The following JAK1 variants were observed in gnomAD, a reference collection of about 807,000 sequenced individuals.
JAK1 encodes the protein Janus kinase 1, also known as tyrosine-protein kinase JAK1.
Under a neutral mutation model 136.6 loss-of-function variants are expected in JAK1, and 16 were observed. That is an observed-to-expected ratio of 0.12 (90% CI 0.08 to 0.18). The LOEUF (loss-of-function observed/expected upper bound fraction) is 0.18, where lower values mean the gene tolerates loss of function less well. JAK1 is among the 10% of genes least tolerant of loss of function. The pLI, the probability that JAK1 is intolerant of heterozygous loss-of-function variation, is 1.00. For missense variants in JAK1, 859 were observed against 1,450.1 expected (o/e 0.59, Z 6.62); for synonymous variants, 492 against 519.5 (o/e 0.95, Z 0.72).
intron 1 of JAK1, among the ~76,000 whole-genome samples, chr1:64,932,024 A>G (rs1429566686): frequency 1.3e-5 from 2 of 152,136 alleles, no homozygotes; most frequent in African/African-American, 4.8e-5. Context: ...TACACTTTAG[A>G]CTACTTACCA....
At chr1:64,937,882 ATCT>A (rs745799409) in intron 1 of JAK1, among the ~76,000 whole-genome samples, 3 of 151,886 alleles carry the variant, frequency 2.0e-5, no homozygotes, top group African/African-American at 4.8e-5. Context: ...GAATGTCAAA[ATCT>A]TCTTTTTTTT....
At chr1:65,032,217 C>T (rs1228461545) in intron 2 of JAK1, among the ~76,000 whole-genome samples, 14 of 152,164 alleles carry the variant, frequency 9.2e-5, no homozygotes, top group African/African-American at 3.4e-4. Context: ...CCACCCACCT[C>T]AGCCTCCCAA....
chr1:65,015,992 A>G (rs958396217), intron 2 of JAK1, among the ~76,000 whole-genome samples: 1 of 152,246 alleles, frequency 6.6e-6, no homozygotes, highest in Non-Finnish European at 1.5e-5. Context: ...ATATACATAC[A>G]ATGGAATATT....
chr1:64,975,454 T>A (rs1433408473), intron 2 of JAK1, among the ~76,000 whole-genome samples: 1 of 152,168 alleles, frequency 6.6e-6, no homozygotes, highest in Non-Finnish European at 1.5e-5. Flanking sequence ...CAGATCCACC[T>A]CTGCATGCAT....
Position 64,929,586 on chromosome 1 carries a change from G to C in JAK1, c.-78+36747C>G, listed in dbSNP as rs780254918. On this transcript the variant is annotated intron_variant, in intron 1 of 24. Transcript: ENST00000342505. ...CATTGTTCTCTTGACTTTACCATAA[G>C]TAAATGGATGATTCTTGTAAGTTAT... Among the ~76,000 whole-genome samples, 12 of 152,282 alleles carry C rather than the reference G, an allele frequency of 7.9e-5. 1 individual carries two copies. In the South Asian group the frequency reaches 8.3e-4, roughly 11 times the overall value.
chr1:65,039,777 G>A (rs1488619631), intron 2 of JAK1, among the ~76,000 whole-genome samples: 1 of 152,100 alleles, frequency 6.6e-6, no homozygotes, highest in South Asian at 2.1e-4. Context: ...CCTTTTCCAG[G>A]GTTATGTGTT....
At chr1:64,940,110 G>C (rs1173893962) in intron 1 of JAK1, among the ~76,000 whole-genome samples, 1 of 152,048 alleles carries the variant, frequency 6.6e-6, no homozygotes, top group African/African-American at 2.4e-5. Context: ...CTACACACAG[G>C]CATACTGATA....
intron 2 of JAK1, among the ~76,000 whole-genome samples, chr1:64,977,189 G>A (rs183533318): frequency 7.0e-4 from 106 of 151,586 alleles, no homozygotes; most frequent in Admixed American, 3.5e-3. Context: ...TCCCTCTGTC[G>A]CCCAAGCTGG....
At chr1:64,874,784 G>A (rs528908379) in intron 4 of JAK1, among the ~76,000 whole-genome samples, 48 of 152,288 alleles carry the variant, frequency 3.2e-4, no homozygotes, top group South Asian at 2.3e-3. Flanking sequence ...AAAAGCTGCT[G>A]CTACACTTCA....
intron 8 of JAK1, among the ~76,000 whole-genome samples, chr1:64,862,734 C>T (rs1656428559): frequency 6.6e-6 from 1 of 152,242 alleles, no homozygotes; most frequent in Admixed American, 6.5e-5. Context: ...GTCAGCCTCT[C>T]CCTCACTCCC....
At chr1:64,869,984 G>A (rs570444652) in intron 5 of JAK1, among the ~76,000 whole-genome samples, 6 of 152,072 alleles carry the variant, frequency 3.9e-5, no homozygotes, top group Non-Finnish European at 8.8e-5. Flanking sequence ...TCTACCGTTC[G>A]AGTTTCCCAT....
At chr1:64,944,590 G>A (rs1350114191) in intron 1 of JAK1, among the ~76,000 whole-genome samples, 3 of 151,750 alleles carry the variant, frequency 2.0e-5, no homozygotes, top group African/African-American at 7.3e-5. Context: ...ACAGAATCAC[G>A]GTGAAGCCAC....
intron 2 of JAK1, among the ~76,000 whole-genome samples, chr1:65,026,681 T>C (rs1646980005): frequency 6.6e-6 from 1 of 152,164 alleles, no homozygotes; most frequent in East Asian, 1.9e-4. Flanking sequence ...ATAAGAAGGT[T>C]TGGCCAGGTG....
At chr1:64,991,494 A>T (rs1274333783) in intron 2 of JAK1, 3 of 152,234 alleles carry the variant, frequency 2.0e-5, no homozygotes, top group Non-Finnish European at 4.4e-5. Context: ...CTAGCCATTT[A>T]AATCTAATTG....
In JAK1 at chr1:64,879,075, G is replaced by A. The variant is rs749516327; in HGVS notation, c.279C>T (p.Arg93=). Residue 93 remains arginine (R), a synonymous_variant, in exon 4 of 25, where the codon CGC becomes CGT. Transcript: ENST00000342505. Reference sequence around the variant, plus strand: ...ACATCTTGTCATCAACGGTGATGGTGCGATTTGGAGCATACCAGAGCTTGG... The same window carrying A: ...ACATCTTGTCATCAACGGTGATGGTACGATTTGGAGCATACCAGAGCTTGG... ...ENTKLWYAPN[R]TITVDDKMSL... 9 of 1,613,894 alleles carry A rather than the reference G, an allele frequency of 5.6e-6. No homozygotes were observed. The Admixed American group carries it at 1.0e-4, about 18-fold the overall frequency.
intron 13 of JAK1, chr1:64,847,042 C>G: frequency 2.1e-6 from 1 of 486,024 alleles, no homozygotes; most frequent in Non-Finnish European, 3.7e-6. Context: ...CTCTTCCTTT[C>G]AGCTCTGGGA....
chr1:64,976,361 A>G (rs998446892), intron 2 of JAK1, among the ~76,000 whole-genome samples: 2 of 152,168 alleles, frequency 1.3e-5, no homozygotes, highest in African/African-American at 2.4e-5. Flanking sequence ...TTTTTTGGCT[A>G]CATATTTGCC....
In JAK1 at chr1:64,850,828, C is replaced by A. The variant is rs749727204; in HGVS notation, c.1731G>T (p.Arg577=). The A allele has an allele frequency of 2.5e-6, 4 of 1,613,952 alleles. No homozygotes were observed. The change falls in exon 12 of 25, where the codon CGG becomes CGT. Residue 577 remains arginine, a synonymous_variant. Transcript: ENST00000342505. Reference sequence around the variant, plus strand: ...CCTGCACCAGATCCTTCTTGAGGATCCGATCGAAACTCAGCTGGCTCATGG... The same window carrying A: ...CCTGCACCAGATCCTTCTTGAGGATACGATCGAAACTCAGCTGGCTCATGG... ...VYPMSQLSFD[R]ILKKDLVQGE... is the part of the protein sequence containing the mutation.
At chr1:65,062,066 G>A (rs754724481) in intron 1 of JAK1, among the ~76,000 whole-genome samples, 8 of 152,004 alleles carry the variant, frequency 5.3e-5, no homozygotes, top group East Asian at 1.9e-4. Context: ...CTATGGACAC[G>A]GTAACAAAGA....
Sources: gnomAD v4.1 joint callset for allele counts (sites outside exome capture counted in the v4.1 genomes callset) on GRCh38, gnomAD v4.1.1 for gene constraint, MANE v1.5 for transcripts, NCBI Gene and HGNC (gene_info 2026-07-23, HGNC 2026-07-21) for gene names.